Variants in CNTNAP2 observed in about 807,000 individuals in gnomAD.
The protein encoded by CNTNAP2 is contactin-associated protein-like 2.
Under a neutral mutation model 155.2 loss-of-function variants are expected in CNTNAP2, and 98 were observed. The ratio of observed to expected loss-of-function variants is 0.63; its 90% CI spans 0.54 to 0.75. The LOEUF is 0.75. CNTNAP2 is among the 30% of genes least tolerant of loss of function. CNTNAP2 has a pLI of 0.00. For missense variants in CNTNAP2, 1,727 were observed against 1,688.1 expected, an observed-to-expected ratio of 1.02 and a Z score of -0.40; for synonymous variants, 651 against 631.2, an observed-to-expected ratio of 1.03 and a Z score of -0.47.
intron 21 of CNTNAP2, among the ~76,000 whole-genome samples, chr7:148,268,454 C>T (rs1421055836): frequency 1.3e-5 from 2 of 151,806 alleles, no homozygotes; most frequent in African/African-American, 4.8e-5. Flanking sequence ...GAGATCAAGA[C>T]CATCCTGGCT....
chr7:147,103,349 A>G (rs552485495), intron 4 of CNTNAP2, among the ~76,000 whole-genome samples: 6 of 152,148 alleles, frequency 3.9e-5, no homozygotes, highest in Non-Finnish European at 8.8e-5. Flanking sequence ...AAGAATGATC[A>G]ATGTATCTAA....
At chr7:146,304,673 C>A (rs1800676259) in intron 1 of CNTNAP2, among the ~76,000 whole-genome samples, 1 of 152,088 alleles carries the variant, frequency 6.6e-6, no homozygotes, top group Non-Finnish European at 1.5e-5. Flanking sequence ...TTGTGGGTAA[C>A]CTGACCTTTC....
chr7:146,641,743 C>A (rs1799711708), intron 1 of CNTNAP2, among the ~76,000 whole-genome samples: 1 of 152,054 alleles, frequency 6.6e-6, no homozygotes. Context: ...AAATGTTTTT[C>A]CTGACATTTT....
At chr7:146,255,384 GA>G (rs1275092837) in intron 1 of CNTNAP2, among the ~76,000 whole-genome samples, 1 of 152,168 alleles carries the variant, frequency 6.6e-6, no homozygotes, top group East Asian at 1.9e-4. Flanking sequence ...TCATACCGAA[GA>G]GTAGAATTTT....
At chr7:147,656,192 A>G (rs1170514629) in intron 13 of CNTNAP2, among the ~76,000 whole-genome samples, 6 of 152,220 alleles carry the variant, frequency 3.9e-5, no homozygotes, top group Admixed American at 1.3e-4. Flanking sequence ...GGTTGGTTCT[A>G]TGCAGACCAC....
intron 1 of CNTNAP2, among the ~76,000 whole-genome samples, chr7:146,753,710 A>G (rs1281016754): frequency 6.6e-6 from 1 of 151,978 alleles, no homozygotes; most frequent in Non-Finnish European, 1.5e-5. Flanking sequence ...AACCATTTTC[A>G]CCTGTGTTTA....
intron 22 of CNTNAP2, among the ~76,000 whole-genome samples, chr7:148,385,906 T>A (rs577390627): frequency 6.6e-5 from 10 of 152,064 alleles, no homozygotes; most frequent in African/African-American, 2.2e-4. Context: ...CCCACTTAAT[T>A]TTTGTAGAGA....
chr7:146,790,817 C>T (rs1362880404), intron 2 of CNTNAP2, among the ~76,000 whole-genome samples: 6 of 152,212 alleles, frequency 3.9e-5, no homozygotes, highest in Non-Finnish European at 5.9e-5. Context: ...GATCCGCCCA[C>T]CTCGGCCTCC....
intron 15 of CNTNAP2, among the ~76,000 whole-genome samples, chr7:148,055,868 G>A (rs935891161): frequency 2.0e-5 from 3 of 152,050 alleles, no homozygotes; most frequent in Admixed American, 6.6e-5. Context: ...TTATATTTTG[G>A]TCCCCATGAT....
At chr7:147,470,592 A>G (rs1336021737) in intron 10 of CNTNAP2, among the ~76,000 whole-genome samples, 1 of 152,104 alleles carries the variant, frequency 6.6e-6, no homozygotes, top group Non-Finnish European at 1.5e-5. Flanking sequence ...GATTGGGGTA[A>G]TAGCAGTAGA....
chr7:148,263,632 G>C (rs1267760057), intron 20 of CNTNAP2, among the ~76,000 whole-genome samples: 1 of 151,806 alleles, frequency 6.6e-6, no homozygotes, highest in East Asian at 1.9e-4. Flanking sequence ...AGCTACTAGG[G>C]AGGCTGAGGC....
At chr7:147,473,712 T>C (rs1204928369) in intron 10 of CNTNAP2, among the ~76,000 whole-genome samples, 1 of 152,196 alleles carries the variant, frequency 6.6e-6, no homozygotes, top group Non-Finnish European at 1.5e-5. Flanking sequence ...TTTATGCCTA[T>C]GTAGATAGAT....
chr7:146,271,947 T>C (rs1264518012), intron 1 of CNTNAP2, among the ~76,000 whole-genome samples: 1 of 152,212 alleles, frequency 6.6e-6, no homozygotes, highest in African/African-American at 2.4e-5. Context: ...TTGGAATTCT[T>C]CTACCAATAA....
intron 1 of CNTNAP2, among the ~76,000 whole-genome samples, chr7:146,194,447 T>C (rs1241611305): frequency 1.3e-5 from 2 of 152,132 alleles, no homozygotes; most frequent in African/African-American, 4.8e-5. Context: ...AACCATCATA[T>C]CTTGTGAGAC....
Position 146,982,156 on chromosome 7 carries a change from A to G in CNTNAP2, c.403-61751A>G, listed in dbSNP as rs1798030240. 2.6e-5 allele frequency among the ~76,000 whole-genome samples: 4 copies of G among 152,324 alleles called. No homozygotes were observed. The South Asian group carries it at 8.3e-4, about 32-fold the overall frequency. ...GGTGGGCTGGTTTGGCCCATAGGCT[A>G]TAACCCCTGGTATATAGAGCCATTA... On this transcript the variant is annotated intron_variant, in intron 3 of 23. Coordinates refer to ENST00000361727, the MANE Select transcript of CNTNAP2 (RefSeq NM_014141.6).
chr7:147,305,291 T>G (rs1795008396), intron 9 of CNTNAP2, among the ~76,000 whole-genome samples: 1 of 152,192 alleles, frequency 6.6e-6, no homozygotes, highest in Admixed American at 6.5e-5. Context: ...TAGATTTTTA[T>G]CAAGTAGTTA....
At chr7:147,641,226 C>A (rs1425689027) in intron 13 of CNTNAP2, among the ~76,000 whole-genome samples, 2 of 152,146 alleles carry the variant, frequency 1.3e-5, no homozygotes, top group East Asian at 3.9e-4. Flanking sequence ...TTAATAATTT[C>A]TTAATAACTT....
chr7:147,490,444 G>A (rs77368964), intron 11 of CNTNAP2, among the ~76,000 whole-genome samples: 3,013 of 152,234 alleles, frequency 0.02, 110 homozygotes, highest in African/African-American at 0.069. Context: ...TACAGCACAC[G>A]TGAGAGGCGC....
At chr7:147,316,077 T>C (rs1181476531) in intron 9 of CNTNAP2, among the ~76,000 whole-genome samples, 2 of 152,106 alleles carry the variant, frequency 1.3e-5, no homozygotes, top group African/African-American at 4.8e-5. Context: ...AATTTACCTA[T>C]TTTTGATTGC....
Sources: gnomAD v4.1 joint callset for allele counts (sites outside exome capture counted in the v4.1 genomes callset) on GRCh38, gnomAD v4.1.1 for gene constraint, MANE v1.5 for transcripts, NCBI Gene and HGNC (gene_info 2026-07-23, HGNC 2026-07-21) for gene names.